TPO: variants seen among roughly 807,000 people sequenced by gnomAD.
TPO encodes the protein thyroid microsomal antigen.
In TPO, 78 loss-of-function variants were observed where a neutral mutation model predicts 96.9. The ratio of observed to expected loss-of-function variants is 0.81; its 90% confidence interval spans 0.67 to 0.97. TPO has a LOEUF of 0.97. Among genes scored for constraint, TPO ranks in the 50% least tolerant of loss-of-function variants. The pLI, the probability that TPO is intolerant of heterozygous loss-of-function variation, is 0.00. For synonymous variants in TPO, 547 were observed against 538.0 expected (o/e 1.02, Z -0.23); for missense variants, 1,252 against 1,274.8 (o/e 0.98, Z 0.27).
intron 14 of TPO, among the ~76,000 whole-genome samples, chr2:1,509,776 T>C (rs79953925): frequency 1.7e-3 from 77 of 44,496 alleles, no homozygotes; most frequent in African/African-American, 6.1e-3. Context: ...AGGGACACCC[T>C]ACCCTTTTGT....
chr2:1,473,272 T>A (rs894213749), intron 7 of TPO, among the ~76,000 whole-genome samples: 1 of 152,190 alleles, frequency 6.6e-6, no homozygotes, highest in Admixed American at 6.5e-5. Flanking sequence ...ACAGTCTGGG[T>A]GCGTTTTATT....
chr2:1,442,261 G>C (rs1210225076), intron 5 of TPO, among the ~76,000 whole-genome samples: 2 of 152,158 alleles, frequency 1.3e-5, no homozygotes, highest in African/African-American at 4.8e-5. Flanking sequence ...AAGCCTCTCA[G>C]CTACTGGAAA....
At chr2:1,435,962 T>A (rs1665527850) in intron 4 of TPO, among the ~76,000 whole-genome samples, 1 of 152,186 alleles carries the variant, frequency 6.6e-6, no homozygotes, top group African/African-American at 2.4e-5. Flanking sequence ...AGTTACTTGC[T>A]GGCTTATCCC....
intron 14 of TPO, among the ~76,000 whole-genome samples, chr2:1,506,022 G>A (rs1673419290): frequency 6.6e-6 from 1 of 150,546 alleles, no homozygotes. Flanking sequence ...ATCTCCTAAT[G>A]CTATCCTTCC....
At chr2:1,450,082 G>T (rs1009734781) in intron 5 of TPO, among the ~76,000 whole-genome samples, 1 of 152,198 alleles carries the variant, frequency 6.6e-6, no homozygotes, top group African/African-American at 2.4e-5. Context: ...CTGCTGCCCC[G>T]CTGAGAAAGA....
chr2:1,528,397 A>G lies in TPO; in HGVS notation c.2618+11415A>G, dbSNP rs372148942. Reference sequence around the variant, plus strand: ...ACCCCAAATCCCGCCACTGTGTGCAACCTCCTCAAATCACCCGGTGTGCAA... The same window carrying G: ...ACCCCAAATCCCGCCACTGTGTGCAGCCTCCTCAAATCACCCGGTGTGCAA... On this transcript the variant is annotated intron_variant, in intron 15 of 16. Coordinates refer to ENST00000329066, the MANE Select transcript of TPO (RefSeq NM_001206744.2). 5.0e-5 allele frequency among the ~76,000 whole-genome samples: 5 copies of G among 100,272 alleles called. No individual in the cohort carries two copies. The East Asian group carries it at 1.2e-3, about 24-fold the overall frequency. The allele number at this position is 100,272 out of a possible 152,430, so 65.8% of individuals were successfully genotyped here.
At chr2:1,479,565 G>A (rs961128210) in intron 8 of TPO, among the ~76,000 whole-genome samples, 1 of 152,158 alleles carries the variant, frequency 6.6e-6, no homozygotes, top group Non-Finnish European at 1.5e-5. Context: ...ACGCCCAATT[G>A]TCACGCACCC....
chr2:1,519,655 G>A (rs991107312), intron 15 of TPO, among the ~76,000 whole-genome samples: 3 of 152,066 alleles, frequency 2.0e-5, no homozygotes, highest in African/African-American at 7.2e-5. Flanking sequence ...AATAGACTAA[G>A]CAATAAAAAT....
intron 13 of TPO, among the ~76,000 whole-genome samples, chr2:1,497,426 T>C (rs538175809): frequency 2.2e-4 from 34 of 152,146 alleles, no homozygotes; most frequent in Non-Finnish European, 4.4e-4. Flanking sequence ...TGTACTGGGG[T>C]TCCTCTGCGG....
chr2:1,453,972 A>C (rs1293913030), intron 6 of TPO, 149 bp downstream of exon 6: 1 of 1,298,308 alleles, frequency 7.7e-7, no homozygotes, highest in African/African-American at 1.5e-5. Flanking sequence ...TGTAGCAATC[A>C]CTGTTTCTGC....
chr2:1,496,433 G>A (rs1672353330), intron 12 of TPO, among the ~76,000 whole-genome samples, 162 bp from the exon 13 acceptor site: 1 of 152,212 alleles, frequency 6.6e-6, no homozygotes, highest in South Asian at 2.1e-4. Context: ...TCTGGGAAGA[G>A]GCCGTGTGTG....
At chr2:1,518,082 C>T (rs1467773466) in intron 15 of TPO, among the ~76,000 whole-genome samples, 2 of 152,204 alleles carry the variant, frequency 1.3e-5, no homozygotes, top group African/African-American at 2.4e-5. Context: ...CCCCATACCA[C>T]ACATGTATGG....
chr2:1,379,035 A>G (rs1231438422), intron 1 of TPO, among the ~76,000 whole-genome samples: 1 of 152,150 alleles, frequency 6.6e-6, no homozygotes, highest in Admixed American at 6.6e-5. Flanking sequence ...GTTTTATTTC[A>G]TTTAAAGAGT....
chr2:1,446,782 TA>T (rs1280851251), intron 5 of TPO, among the ~76,000 whole-genome samples: 4 of 152,218 alleles, frequency 2.6e-5, no homozygotes, highest in African/African-American at 9.6e-5. Flanking sequence ...TTCATATTTT[TA>T]ATGAAGTCCC....
At chr2:1,448,383 C>A (rs1667012512) in intron 5 of TPO, among the ~76,000 whole-genome samples, 1 of 152,192 alleles carries the variant, frequency 6.6e-6, no homozygotes, top group Admixed American at 6.5e-5. Flanking sequence ...GCCCTCCCGA[C>A]CCGAGGGTCG....
At chr2:1,415,076 C>T (rs1662760698) in intron 2 of TPO, among the ~76,000 whole-genome samples, 1 of 152,156 alleles carries the variant, frequency 6.6e-6, no homozygotes, top group Non-Finnish European at 1.5e-5. Flanking sequence ...CCCTGGGCCT[C>T]TGCACACAGT....
At chr2:1,451,154 G>A (rs1667268010) in intron 5 of TPO, among the ~76,000 whole-genome samples, 1 of 152,162 alleles carries the variant, frequency 6.6e-6, no homozygotes. Context: ...CTCCTCTAAT[G>A]TACGGAGCTG....
At chr2:1,398,483 C>T (rs966770468) in intron 1 of TPO, among the ~76,000 whole-genome samples, 1 of 152,210 alleles carries the variant, frequency 6.6e-6, no homozygotes, top group African/African-American at 2.4e-5. Flanking sequence ...AAGCAAAGAC[C>T]ACTCCATGGG....
rs1327228715 is a variant in TPO at position 1,477,174 on chromosome 2, C to T, written c.908C>T (p.Ala303Val). ...SAACGTGDQG[A>V]LFGNLSTANP... is the part of the protein sequence containing the mutation. ...GCCTGCGGCACCGGGGACCAAGGCG[C>T]GCTCTTTGGGAACCTGTCCACGGCC... is the stretch of plus-strand genomic sequence containing the variant. The change falls in exon 8 of 17, where the codon GCG becomes GTG. Residue 303 changes from alanine to valine, a missense_variant. Transcript: ENST00000329066. The T allele has an allele frequency of 5.0e-6, 8 of 1,609,826 alleles. No homozygotes were observed. The highest frequency in any genetic ancestry group is 4.2e-6 in the Non-Finnish European group (5 of 1,179,010).
Sources: allele counts gnomAD v4.1 joint callset (sites outside exome capture counted in the v4.1 genomes callset), GRCh38; gene constraint gnomAD v4.1.1; transcripts MANE v1.5; gene names NCBI Gene and HGNC (gene_info 2026-07-23, HGNC 2026-07-21).